The following SCFD2 variants were observed in gnomAD, a reference collection of about 807,000 sequenced individuals.
SCFD2 encodes sec1 family domain containing 2.
SCFD2 carries 54 observed loss-of-function variants against 58.9 expected under a neutral mutation model. The ratio of observed to expected loss-of-function variants is 0.92; its 90% CI spans 0.74 to 1.15. The LOEUF (loss-of-function observed/expected upper bound fraction) is 1.15, where lower values mean the gene tolerates loss of function less well. Ranked by LOEUF, SCFD2 falls within the 50% of genes most tolerant of loss-of-function variation. The pLI is 0.00. For missense variants in SCFD2, 805 were observed against 836.6 expected (o/e 0.96, Z 0.47); for synonymous variants, 321 against 335.9 (o/e 0.96, Z 0.49).
Position 53,159,513 on chromosome 4 carries a change from C to T in SCFD2, c.1312-13931G>A, listed in dbSNP as rs149421773. ...CTGACTAGGACAAATAGTTAAGGGA[C>T]CCAGCTTATAAGACAATAGATAAAT... On this transcript the variant is annotated intron_variant, in intron 4 of 8. Transcript: ENST00000401642. 4.5e-3 allele frequency among the ~76,000 whole-genome samples: 682 copies of T among 152,208 alleles called. 2 individuals are homozygous for T. The highest frequency in any genetic ancestry group is 0.016 in the African/African-American group (656 of 41,532).
chr4:53,354,148 G>A (rs1241769719), intron 1 of SCFD2, among the ~76,000 whole-genome samples: 2 of 152,256 alleles, frequency 1.3e-5, no homozygotes, highest in Non-Finnish European at 2.9e-5. Flanking sequence ...TGCCCGTTGG[G>A]GAGGCTCGGG....
chr4:53,325,758 G>C (rs1733172905), intron 2 of SCFD2, among the ~76,000 whole-genome samples: 1 of 152,146 alleles, frequency 6.6e-6, no homozygotes, highest in African/African-American at 2.4e-5. Context: ...TTCAGATAAA[G>C]GGGCTAAGGT....
intron 6 of SCFD2, among the ~76,000 whole-genome samples, chr4:52,916,976 C>T (rs1186329933): frequency 6.6e-6 from 1 of 152,154 alleles, no homozygotes; most frequent in Non-Finnish European, 1.5e-5. Flanking sequence ...TAGCTCACTG[C>T]AGCCTAGAAC....
At chr4:52,999,539 G>GTTT (rs768680505) in intron 5 of SCFD2, among the ~76,000 whole-genome samples, 10 of 152,208 alleles carry the variant, frequency 6.6e-5, no homozygotes, top group Non-Finnish European at 1.2e-4. Flanking sequence ...AAACAAATTG[G>GTTT]ACTACGATAT....
At chr4:53,238,385 G>A (rs1186953736) in intron 4 of SCFD2, among the ~76,000 whole-genome samples, 11 of 138,464 alleles carry the variant, frequency 7.9e-5, no homozygotes, top group African/African-American at 3.0e-4. Flanking sequence ...CGGACAGGGC[G>A]GCTGGCCTGG....
intron 4 of SCFD2, among the ~76,000 whole-genome samples, chr4:53,248,683 G>C (rs147198381): frequency 6.6e-6 from 1 of 151,914 alleles, no homozygotes; most frequent in East Asian, 1.9e-4. Context: ...CACACAGCCG[G>C]GTACTCCTCA....
chr4:53,315,769 A>G (rs1440515525), intron 2 of SCFD2, among the ~76,000 whole-genome samples: 1 of 152,194 alleles, frequency 6.6e-6, no homozygotes, highest in East Asian at 1.9e-4. Context: ...ATAAGTCTCA[A>G]CGCAACCCAG....
chr4:53,133,165 A>G (rs1265379341), intron 5 of SCFD2, among the ~76,000 whole-genome samples: 1 of 151,984 alleles, frequency 6.6e-6, no homozygotes, highest in Non-Finnish European at 1.5e-5. Context: ...CGTCTCTACT[A>G]AAAATACAAG....
At chr4:52,954,387 T>C (rs949391438) in intron 5 of SCFD2, among the ~76,000 whole-genome samples, 4 of 152,212 alleles carry the variant, frequency 2.6e-5, no homozygotes, top group African/African-American at 9.6e-5. Flanking sequence ...GATAGAAGAT[T>C]ACAGGCACTC....
chr4:53,164,188 C>T (rs1726935463), intron 4 of SCFD2, among the ~76,000 whole-genome samples: 1 of 152,118 alleles, frequency 6.6e-6, no homozygotes, highest in African/African-American at 2.4e-5. Flanking sequence ...AAGGATGCTT[C>T]TATTTATTTA....
chr4:53,204,363 T>C (rs1728342741), intron 4 of SCFD2, among the ~76,000 whole-genome samples: 1 of 151,832 alleles, frequency 6.6e-6, no homozygotes, highest in Non-Finnish European at 1.5e-5. Context: ...AGAGAAAATA[T>C]TGTATCCATA....
chr4:52,879,339 A>C (rs1349018690), intron 8 of SCFD2, among the ~76,000 whole-genome samples: 11 of 152,218 alleles, frequency 7.2e-5, no homozygotes, highest in Non-Finnish European at 1.5e-4. Context: ...AATATGAGAA[A>C]TGGGGTTTTT....
intron 5 of SCFD2, among the ~76,000 whole-genome samples, chr4:53,024,053 C>G (rs917539726): frequency 6.6e-6 from 1 of 152,168 alleles, no homozygotes; most frequent in Admixed American, 6.5e-5. Flanking sequence ...CAGCAGCAGC[C>G]TTATTCTTGG....
At chr4:53,000,264 G>A (rs1423285423) in intron 5 of SCFD2, among the ~76,000 whole-genome samples, 1 of 152,210 alleles carries the variant, frequency 6.6e-6, no homozygotes, top group Non-Finnish European at 1.5e-5. Context: ...GGTGATGGTA[G>A]ACACCTGAAT....
intron 6 of SCFD2, among the ~76,000 whole-genome samples, chr4:52,917,314 C>T (rs974001896): frequency 2.6e-5 from 4 of 152,132 alleles, no homozygotes; most frequent in African/African-American, 7.2e-5. Context: ...GGCACAGAGA[C>T]GTGAAGTTGC....
At chr4:52,954,967 C>T (rs1316175728) in intron 5 of SCFD2, among the ~76,000 whole-genome samples, 2 of 152,190 alleles carry the variant, frequency 1.3e-5, no homozygotes, top group Non-Finnish European at 2.9e-5. Flanking sequence ...AAGAGAACCT[C>T]CACCCACCCC....
At chr4:53,302,243 T>G (rs568327325) in intron 3 of SCFD2, among the ~76,000 whole-genome samples, 1 of 152,320 alleles carries the variant, frequency 6.6e-6, no homozygotes, top group East Asian at 1.9e-4. Context: ...GATAAGCAAC[T>G]TCAGCAAAGT....
chr4:52,967,512 G>A (rs1003290504), intron 5 of SCFD2, among the ~76,000 whole-genome samples: 4 of 152,156 alleles, frequency 2.6e-5, no homozygotes, highest in South Asian at 2.1e-4. Flanking sequence ...AGCATAACTT[G>A]CCAAAGGAAT....
At chr4:52,896,910 C>A (rs1719030764) in intron 7 of SCFD2, among the ~76,000 whole-genome samples, 1 of 152,164 alleles carries the variant, frequency 6.6e-6, no homozygotes, top group African/African-American at 2.4e-5. Flanking sequence ...GTATTTTATT[C>A]TCTTTGAAGC....
Sources: gnomAD v4.1 joint callset for allele counts (sites outside exome capture counted in the v4.1 genomes callset) on GRCh38, gnomAD v4.1.1 for gene constraint, MANE v1.5 for transcripts, NCBI Gene and HGNC (gene_info 2026-07-23, HGNC 2026-07-21) for gene names.